The following RAB23 variants were observed in gnomAD, a reference collection of about 807,000 sequenced individuals.
RAB23 encodes ras-related protein Rab-23.
RAB23 carries 15 observed loss-of-function variants against 30.0 expected under a neutral mutation model. The ratio of observed to expected loss-of-function variants is 0.50; its 90% CI spans 0.33 to 0.77. The LOEUF (loss-of-function observed/expected upper bound fraction) is 0.77, where lower values mean the gene tolerates loss of function less well. RAB23 is among the 30% of genes least tolerant of loss of function. The probability of loss-of-function intolerance (pLI) is 0.02; values close to 1 mark genes in which losing one functional copy is unlikely to be tolerated. For synonymous variants in RAB23, 93 were observed against 94.0 expected (o/e 0.99, Z 0.06); for missense variants, 243 against 275.4 (o/e 0.88, Z 0.83).
chr6:57,210,595 G>C (rs908916117), intron 1 of RAB23, 150 bp from the exon 2 acceptor site: 2 of 614,728 alleles, frequency 3.3e-6, no homozygotes, highest in Middle Eastern at 4.2e-4. Flanking sequence ...TAAACTCTTT[G>C]AAAGGTACAG....
intron 2 of RAB23, among the ~76,000 whole-genome samples, chr6:57,208,002 G>T (rs1317767495): frequency 6.6e-6 from 1 of 152,080 alleles, no homozygotes; most frequent in Non-Finnish European, 1.5e-5. Context: ...TTACGATGGG[G>T]CTATGTCTCA....
At chr6:57,210,766 A>C (rs747346692) in intron 1 of RAB23, among the ~76,000 whole-genome samples, 1 of 152,260 alleles carries the variant, frequency 6.6e-6, no homozygotes, top group Non-Finnish European at 1.5e-5. Flanking sequence ...CTGTGCTCTT[A>C]GTGAACACGT....
rs554673220 is a variant in RAB23, at chr6:57,189,142, T to C, written c.*1319A>G. ...AATTATCTTAGCTGGAAAGCTACTGTCCCAAGTGACAAAATTTATGTCCTG... is the reference window on the plus strand; with the variant it reads ...AATTATCTTAGCTGGAAAGCTACTGCCCCAAGTGACAAAATTTATGTCCTG... On this transcript the variant is annotated 3_prime_UTR_variant, in exon 7 of 7. Coordinates refer to ENST00000468148, the MANE Select transcript of RAB23 (RefSeq NM_016277.5). The C allele has an allele frequency of 5.3e-5, 8 of 152,308 alleles. No homozygotes were observed. In the East Asian group the frequency reaches 1.5e-3, roughly 29 times the overall value. The allele number at this position is 152,308 out of a possible 1,614,324, so 9.4% of individuals were successfully genotyped here. A position where few individuals can be genotyped will look rare whatever the true frequency, so the allele number is the denominator to read the frequency against.
intron 1 of RAB23, chr6:57,221,504 G>C (rs1766058897): frequency 6.5e-6 from 1 of 152,746 alleles, no homozygotes; most frequent in Admixed American, 6.5e-5. Flanking sequence ...TCGCACTGCA[G>C]GGAGGAGTCT....
intron 1 of RAB23, among the ~76,000 whole-genome samples, chr6:57,212,143 C>A (rs1320159479): frequency 6.6e-6 from 1 of 152,224 alleles, no homozygotes; most frequent in African/African-American, 2.4e-5. Context: ...GAGCTGCTAC[C>A]TGGCAGTCTC....
chr6:57,215,836 T>C (rs1408823317), intron 1 of RAB23, among the ~76,000 whole-genome samples: 3 of 152,124 alleles, frequency 2.0e-5, no homozygotes, highest in South Asian at 4.1e-4. Context: ...TCAATATATG[T>C]AGGAAAAATA....
rs767313700 is a variant in RAB23, at chr6:57,196,626, C to G, written c.242-20G>C. On this transcript the variant is annotated intron_variant, in intron 3 of 6. Transcript: ENST00000468148. Reference sequence around the variant, plus strand: ...GGGCTCCTGTAAGTTCACAATCAATCAATCAATCAATCAAGGTATTTACAT... The same window carrying G: ...GGGCTCCTGTAAGTTCACAATCAATGAATCAATCAATCAAGGTATTTACAT... 6.8e-6 allele frequency: 11 copies of G among 1,608,624 alleles called. No individual in the cohort carries two copies. Among genetic ancestry groups the G allele is most frequent in the Middle Eastern group, 1.6e-4 (1 of 6,078 alleles).
At position 57,188,263 on chromosome 6, in the gene RAB23, C is replaced by CTTAA. The variant is rs1255401244; in HGVS notation, c.*2194_*2197dup. On this transcript the variant is annotated 3_prime_UTR_variant, in exon 7 of 7. Coordinates refer to ENST00000468148, the MANE Select transcript of RAB23 (RefSeq NM_016277.5). Reference sequence around the variant, plus strand: ...TTAACATGGCTGACTTTCAGGCCTACTTAATTATTTTAAATGACTAATTAT... The same window carrying CTTAA: ...TTAACATGGCTGACTTTCAGGCCTACTTAATTAATTATTTTAAATGACTAATTAT... The CTTAA allele has an allele frequency of 2.0e-5, 3 of 152,040 alleles. No homozygotes were observed. Among genetic ancestry groups the CTTAA allele is most frequent in the African/African-American group, 4.8e-5 (2 of 41,410 alleles). 9.4% of individuals were successfully genotyped at this position (152,040 alleles called of 1,614,324 possible).
chr6:57,201,091 T>C (rs1765237809), intron 3 of RAB23, among the ~76,000 whole-genome samples: 1 of 151,416 alleles, frequency 6.6e-6, no homozygotes, highest in Admixed American at 6.6e-5. Flanking sequence ...TCTCTCTTTT[T>C]TTTTTTTTTT....
chr6:57,203,495 GATAAAA>G (rs1464211070), intron 3 of RAB23, among the ~76,000 whole-genome samples: 1 of 152,128 alleles, frequency 6.6e-6, no homozygotes, highest in Non-Finnish European at 1.5e-5. Flanking sequence ...AAGTTCACTA[GATAAAA>G]ATAAAATAAT....
intron 5 of RAB23, 138 bp downstream of exon 5, chr6:57,194,632 A>G: frequency 1.6e-6 from 1 of 634,924 alleles, no homozygotes; most frequent in South Asian, 2.1e-5. Flanking sequence ...AAGAAGTAGA[A>G]AGCCTTTAAA....
rs988381236 is a variant in RAB23, at chr6:57,188,602, G to A, written c.*1859C>T. 4 of 152,132 alleles carry A rather than the reference G, an allele frequency of 2.6e-5. No homozygotes were observed. Among genetic ancestry groups the A allele is most frequent in the Admixed American group, 2.6e-4 (4 of 15,274 alleles). The allele number at this position is 152,132 out of a possible 1,614,324, so 9.4% of individuals were successfully genotyped here. A position where few individuals can be genotyped will look rare whatever the true frequency, so the allele number is the denominator to read the frequency against. ...GGAGAGTAGAGAGTAGAAAATTGAAGAGAGTAGAAAAGATGACTCATTAGC... is the reference window on the plus strand; with the variant it reads ...GGAGAGTAGAGAGTAGAAAATTGAAAAGAGTAGAAAAGATGACTCATTAGC... On this transcript the variant is annotated 3_prime_UTR_variant, in exon 7 of 7. Transcript: ENST00000468148.
chr6:57,196,699 G>A, intron 3 of RAB23, 93 bp from the exon 4 acceptor site: 1 of 1,504,576 alleles, frequency 6.6e-7, no homozygotes, highest in Non-Finnish European at 9.0e-7. Flanking sequence ...AAGAATGGGG[G>A]CAACTTTTAT....
At chr6:57,196,658 A>G (rs779617804) in intron 3 of RAB23, 52 bp from the exon 4 acceptor site, 3 of 1,579,730 alleles carry the variant, frequency 1.9e-6, no homozygotes, top group South Asian at 2.3e-5. Flanking sequence ...ACATTAACAT[A>G]TTACATTTAC....
intron 6 of RAB23, among the ~76,000 whole-genome samples, chr6:57,193,116 G>A (rs1288948237): frequency 6.6e-6 from 1 of 151,966 alleles, no homozygotes; most frequent in African/African-American, 2.4e-5. Context: ...ATCACACCAG[G>A]TAGAGGCTTA....
chr6:57,194,765 T>A lies in RAB23; in HGVS notation c.481+5A>T. 6.3e-7 allele frequency: 1 copy of A among 1,596,240 alleles called. No homozygotes were observed. Among genetic ancestry groups the A allele is most frequent in the Non-Finnish European group, 8.6e-7 (1 of 1,164,520 alleles). On this transcript the variant is annotated splice_donor_5th_base_variant and intron_variant, in intron 5 of 6. Transcript: ENST00000468148. ...TGCAATCTATATCCTTTAAAGGTAA[T>A]TTACCTTCATTCACATTTAGATCTT...
intron 4 of RAB23, among the ~76,000 whole-genome samples, chr6:57,196,037 CA>C (rs1324574797): frequency 2.0e-5 from 3 of 152,032 alleles, no homozygotes; most frequent in African/African-American, 7.2e-5. Flanking sequence ...TCTGAATATA[CA>C]AAACAATATG....
chr6:57,192,867 T>C (rs1764892469), intron 6 of RAB23, among the ~76,000 whole-genome samples: 1 of 151,530 alleles, frequency 6.6e-6, no homozygotes, highest in African/African-American at 2.4e-5. Flanking sequence ...AGAAAAAAAA[T>C]GACCAAAAGT....
intron 1 of RAB23, among the ~76,000 whole-genome samples, chr6:57,216,441 A>G (rs564140816): frequency 6.6e-6 from 1 of 152,354 alleles, no homozygotes; most frequent in South Asian, 2.1e-4. Context: ...CTGTCTATAC[A>G]ACAGCACAAT....
Sources: allele counts gnomAD v4.1 joint callset (sites outside exome capture counted in the v4.1 genomes callset), GRCh38; gene constraint gnomAD v4.1.1; transcripts MANE v1.5; gene names NCBI Gene and HGNC (gene_info 2026-07-23, HGNC 2026-07-21).